The following TBXAS1 variants were observed in gnomAD, a reference collection of about 807,000 sequenced individuals.
TBXAS1 encodes the protein thromboxane A synthase 1, also known as thromboxane-A synthase.
TBXAS1 carries 48 observed loss-of-function variants against 60.7 expected under a neutral mutation model. The ratio of observed to expected loss-of-function variants is 0.79; its 90% CI spans 0.63 to 1.01. The LOEUF is 1.01. TBXAS1 is among the 50% of genes least tolerant of loss of function. The pLI is 0.00. For missense variants in TBXAS1, 685 were observed against 686.3 expected (o/e 1.00, Z 0.02); for synonymous variants, 287 against 269.7 (o/e 1.06, Z -0.63).
intron 4 of TBXAS1, among the ~76,000 whole-genome samples, chr7:139,925,421 G>T (rs945575525): frequency 3.3e-5 from 5 of 151,992 alleles, no homozygotes; most frequent in African/African-American, 1.2e-4. Context: ...AAATGGGATT[G>T]CTTTCTTGGC....
Position 139,936,223 on chromosome 7 carries a change from C to T in TBXAS1, c.366C>T (p.Asp122=), listed in dbSNP as rs1807765744. The change falls in exon 5 of 13, where the codon GAC becomes GAT. Residue 122 remains aspartate, a synonymous_variant. Coordinates refer to ENST00000448866, the MANE Select transcript of TBXAS1 (RefSeq NM_001061.7). The stretch of plus-strand genomic sequence containing the variant: ...GTTTGGAGTTCAAGTCGGTAGCCGA[C>T]AGCGTTCTGTTTTTACGTGACAAAA... ...ASGLEFKSVA[D]SVLFLRDKRW... The T allele has an allele frequency of 1.9e-6, 3 of 1,614,218 alleles. No homozygotes were observed. Among genetic ancestry groups the T allele is most frequent in the Non-Finnish European group, 2.5e-6 (3 of 1,180,042 alleles).
intron 4 of TBXAS1, among the ~76,000 whole-genome samples, chr7:139,817,164 C>T (rs1798168751): frequency 2.0e-5 from 3 of 152,120 alleles, no homozygotes; most frequent in Non-Finnish European, 4.4e-5. Context: ...TTCCTAGATT[C>T]TGGTAGGGAT....
chr7:139,780,664 G>A (rs1796955507), intron 1 of TBXAS1: 1 of 154,260 alleles, frequency 6.5e-6, no homozygotes. Flanking sequence ...ACATAGTAGG[G>A]GTTCAATAAA....
intron 3 of TBXAS1, 177 bp downstream of exon 3, chr7:139,875,814 G>A (rs1326261280): frequency 6.0e-6 from 5 of 832,016 alleles, no homozygotes; most frequent in South Asian, 3.2e-5. Context: ...AAGGCTTCTA[G>A]AGAAGACCCT....
At chr7:140,018,554 A>C (rs963773393) in intron 12 of TBXAS1, among the ~76,000 whole-genome samples, 89 of 151,538 alleles carry the variant, frequency 5.9e-4, no homozygotes, top group Non-Finnish European at 1.9e-4. Flanking sequence ...TTCCAGCCCT[A>C]TCTCCCCCCC....
chr7:139,891,989 T>A (rs187873339), intron 3 of TBXAS1, among the ~76,000 whole-genome samples: 16 of 152,178 alleles, frequency 1.1e-4, no homozygotes, highest in African/African-American at 3.9e-4. Context: ...CCCATCAAAG[T>A]AAAAAATTGA....
At chr7:139,873,849 C>A (rs556177258) in intron 2 of TBXAS1, among the ~76,000 whole-genome samples, 1 of 152,228 alleles carries the variant, frequency 6.6e-6, no homozygotes, top group African/African-American at 2.4e-5. Flanking sequence ...GCCGGAACAC[C>A]CTGCATGGGA....
At chr7:139,805,660 CTCTT>C (rs755258646) in intron 4 of TBXAS1, among the ~76,000 whole-genome samples, 1,106 of 101,430 alleles carry the variant, frequency 0.011, 21 homozygotes, top group Middle Eastern at 0.018. Context: ...CCTTCTTTTT[CTCTT>C]TCTTTCTTTC....
chr7:139,959,928 C>T (rs1810195246), intron 8 of TBXAS1, among the ~76,000 whole-genome samples: 1 of 152,188 alleles, frequency 6.6e-6, no homozygotes, highest in African/African-American at 2.4e-5. Flanking sequence ...AGCTCTGCTC[C>T]ATGGGAGCAG....
intron 4 of TBXAS1, among the ~76,000 whole-genome samples, chr7:139,796,012 T>C (rs932190698): frequency 5.9e-5 from 9 of 152,180 alleles, no homozygotes; most frequent in African/African-American, 2.2e-4. Flanking sequence ...CCTGGACACA[T>C]ATACACAAAA....
intron 1 of TBXAS1, among the ~76,000 whole-genome samples, chr7:139,780,072 A>G (rs1796935078): frequency 6.6e-6 from 1 of 152,158 alleles, no homozygotes; most frequent in Non-Finnish European, 1.5e-5. Flanking sequence ...TAACTATGTG[A>G]TCTTGGTCAA....
chr7:139,969,300 A>G (rs1811017776), intron 9 of TBXAS1, among the ~76,000 whole-genome samples: 1 of 152,174 alleles, frequency 6.6e-6, no homozygotes, highest in African/African-American at 2.4e-5. Context: ...TCTAATTAAA[A>G]TACAACTTAC....
At chr7:139,867,213 G>A (rs893376250) in intron 1 of TBXAS1, among the ~76,000 whole-genome samples, 5 of 152,160 alleles carry the variant, frequency 3.3e-5, no homozygotes, top group Non-Finnish European at 5.9e-5. Flanking sequence ...CTGGAGAAGC[G>A]CTATTTGCCA....
chr7:139,875,690 G>A (rs762282094), intron 3 of TBXAS1, 53 bp downstream of exon 3: 10 of 1,596,224 alleles, frequency 6.3e-6, no homozygotes, highest in South Asian at 3.3e-5. Flanking sequence ...TATTATGTAC[G>A]ATATTTTGAT....
At chr7:139,807,385 G>A (rs961079537) in intron 4 of TBXAS1, among the ~76,000 whole-genome samples, 1 of 149,696 alleles carries the variant, frequency 6.7e-6, no homozygotes, top group East Asian at 2.0e-4. Context: ...ACCACACCTA[G>A]TTAATTTTTT....
At chr7:139,972,444 CT>C (rs1811272863) in intron 9 of TBXAS1, among the ~76,000 whole-genome samples, 1 of 152,204 alleles carries the variant, frequency 6.6e-6, no homozygotes, top group Non-Finnish European at 1.5e-5. Flanking sequence ...ACATTTGCAA[CT>C]GAATGGCTCA....
chr7:139,920,505 G>A (rs1806377576), intron 4 of TBXAS1, among the ~76,000 whole-genome samples: 1 of 152,140 alleles, frequency 6.6e-6, no homozygotes, highest in Non-Finnish European at 1.5e-5. Flanking sequence ...TGTTAAAAAA[G>A]GAAGTTTTTA....
upstream of TBXAS1, among the ~76,000 whole-genome samples, chr7:139,825,719 T>C (rs1404567774): frequency 6.6e-6 from 1 of 152,222 alleles, no homozygotes; most frequent in Admixed American, 6.5e-5. Flanking sequence ...TATGGGACAG[T>C]GTACCGGTCA....
chr7:139,790,499 A>C (rs531483715), intron 4 of TBXAS1, among the ~76,000 whole-genome samples: 27 of 152,380 alleles, frequency 1.8e-4, no homozygotes, highest in Admixed American at 1.7e-3. Context: ...TCAAAACAAC[A>C]AAACCTATAT....
Sources: gnomAD v4.1 joint callset for allele counts (sites outside exome capture counted in the v4.1 genomes callset) on GRCh38, gnomAD v4.1.1 for gene constraint, MANE v1.5 for transcripts, NCBI Gene and HGNC (gene_info 2026-07-23, HGNC 2026-07-21) for gene names.